The following HDAC4 variants were observed in gnomAD, a reference collection of about 807,000 sequenced individuals.
HDAC4 encodes the protein histone deacetylase A.
Under a neutral mutation model 135.1 loss-of-function variants are expected in HDAC4, and 16 were observed. The ratio of observed to expected loss-of-function variants is 0.12; its 90% CI spans 0.08 to 0.18. The LOEUF is 0.18. Ranked by LOEUF, HDAC4 falls within the 10% of genes least tolerant of loss-of-function variation. HDAC4 has a pLI of 1.00. For synonymous variants in HDAC4, 685 were observed against 653.4 expected (o/e 1.05, Z -0.74); for missense variants, 1,143 against 1,511.8 (o/e 0.76, Z 4.05).
intron 3 of HDAC4, among the ~76,000 whole-genome samples, chr2:239,222,625 C>T (rs986494868): frequency 1.3e-5 from 2 of 150,600 alleles, no homozygotes; most frequent in Non-Finnish European, 2.9e-5. Context: ...CCAGAAATAA[C>T]AGACAGAACC....
intron 3 of HDAC4, among the ~76,000 whole-genome samples, chr2:239,232,229 G>A (rs1448167795): frequency 6.6e-6 from 1 of 152,234 alleles, no homozygotes; most frequent in Non-Finnish European, 1.5e-5. Context: ...TAGCTACAAT[G>A]AATCTGAAAC....
chr2:239,101,973 T>C (rs1163751683), intron 16 of HDAC4, among the ~76,000 whole-genome samples: 1 of 150,454 alleles, frequency 6.6e-6, no homozygotes, highest in Non-Finnish European at 1.5e-5. Context: ...TTCTGTGTCC[T>C]GGGAGCCCCC....
chr2:239,170,412 T>C (rs2043376656), intron 5 of HDAC4, among the ~76,000 whole-genome samples: 1 of 152,226 alleles, frequency 6.6e-6, no homozygotes, highest in South Asian at 2.1e-4. Context: ...AACAAAAATG[T>C]CCTATTTGGA....
At chr2:239,168,091 T>C (rs1457871687) in intron 5 of HDAC4, among the ~76,000 whole-genome samples, 1 of 152,206 alleles carries the variant, frequency 6.6e-6, no homozygotes, top group African/African-American at 2.4e-5. Flanking sequence ...TGCCTGAAAG[T>C]GCTCCTTTTT....
At chr2:239,101,497 C>T (rs952797420) in intron 16 of HDAC4, among the ~76,000 whole-genome samples, 8 of 152,296 alleles carry the variant, frequency 5.3e-5, no homozygotes, top group East Asian at 3.9e-4. Flanking sequence ...ATGCAGTCAA[C>T]GAGCCAGGCA....
intron 24 of HDAC4, among the ~76,000 whole-genome samples, chr2:239,059,312 T>C (rs1454286813): frequency 1.3e-5 from 2 of 151,938 alleles, no homozygotes; most frequent in African/African-American, 4.8e-5. Flanking sequence ...GGAAAGAAGA[T>C]AGATGGGAAA....
chr2:239,169,411 C>T (rs778203910), intron 5 of HDAC4, among the ~76,000 whole-genome samples: 11 of 152,342 alleles, frequency 7.2e-5, no homozygotes, highest in South Asian at 2.1e-4. Context: ...GTCAAAGCCC[C>T]GCGCACAGGG....
At chr2:239,130,617 G>A (rs1945395621) in intron 11 of HDAC4, among the ~76,000 whole-genome samples, 1 of 139,128 alleles carries the variant, frequency 7.2e-6, no homozygotes, top group Admixed American at 7.4e-5. Flanking sequence ...CCACCTCCAC[G>A]AGGCATACAC....
At chr2:239,188,650 G>A (rs4852032) in intron 4 of HDAC4, among the ~76,000 whole-genome samples, 41,252 of 152,202 alleles carry the variant, frequency 0.27, 6,110 homozygotes, top group East Asian at 0.47. Context: ...ATGGAGACAT[G>A]CCCTACGTGC....
chr2:239,389,686 T>C (rs1405126540), intron 1 of HDAC4, among the ~76,000 whole-genome samples: 1 of 152,184 alleles, frequency 6.6e-6, no homozygotes, highest in Non-Finnish European at 1.5e-5. Context: ...CTGGAACTGC[T>C]GCTGGGATTC....
rs1354244761 is a variant in HDAC4, at chr2:239,259,969, A to G, written c.23-23305T>C. On this transcript the variant is annotated intron_variant, in intron 2 of 26. Coordinates refer to ENST00000543185, the MANE Select transcript of HDAC4 (RefSeq NM_001378414.1). ...TAAGGAGAAGAGGATCTAAGGGTGAAGCTCCTGCCAGAGCCCAGGAAGGAA... is the reference window on the plus strand; with the variant it reads ...TAAGGAGAAGAGGATCTAAGGGTGAGGCTCCTGCCAGAGCCCAGGAAGGAA... Among the ~76,000 whole-genome samples the G allele has an allele frequency of 2.0e-5, 3 of 152,220 alleles. No homozygotes were observed. In the East Asian group the frequency reaches 5.8e-4, roughly 29 times the overall value.
At chr2:239,314,167 AG>A (rs982081190) in intron 2 of HDAC4, among the ~76,000 whole-genome samples, 9 of 152,212 alleles carry the variant, frequency 5.9e-5, no homozygotes, top group African/African-American at 2.2e-4. Flanking sequence ...TCCCAGCACC[AG>A]GCAGAAACCT....
intron 2 of HDAC4, among the ~76,000 whole-genome samples, chr2:239,297,359 G>A (rs1048987625): frequency 1.2e-4 from 19 of 152,352 alleles, no homozygotes; most frequent in South Asian, 8.3e-4. Context: ...GCAGCGATCC[G>A]TGCCACCAAC....
chr2:239,058,229 A>G (rs769434530), intron 24 of HDAC4, among the ~76,000 whole-genome samples: 1 of 152,250 alleles, frequency 6.6e-6, no homozygotes, highest in African/African-American at 2.4e-5. Context: ...ATGAAAAACA[A>G]GAAAATAGGT....
At chr2:239,336,039 T>C (rs1486107317) in intron 2 of HDAC4, among the ~76,000 whole-genome samples, 2 of 152,254 alleles carry the variant, frequency 1.3e-5, no homozygotes, top group African/African-American at 2.4e-5. Flanking sequence ...TGAAATATTA[T>C]ATACCCATTA....
At position 239,156,724 on chromosome 2, in the gene HDAC4, C is replaced by G. The variant is rs1448203530; in HGVS notation, c.661G>C (p.Val221Leu). ...LDQSSPPQSG[V>L]STSYNHPVLG... ...ACCGGGTGGTTATAGGAGGTCGACA[C>G]TCCGCTCTGGGGTGGAGAACTCTGG... is the stretch of plus-strand genomic sequence containing the variant. The change falls in exon 7 of 27, where the codon GTG (valine) becomes CTG (leucine). Residue 221 changes from valine (V) to leucine (L), a missense_variant. Physicochemically the swap from Val to Leu is conservative, Grantham distance 32. Transcript: ENST00000543185. The G allele has an allele frequency of 6.2e-7, 1 of 1,614,030 alleles. No homozygotes were observed. Among genetic ancestry groups the G allele is most frequent in the Non-Finnish European group, 8.5e-7 (1 of 1,180,034 alleles).
At chr2:239,310,772 T>C (rs1376963025) in intron 2 of HDAC4, among the ~76,000 whole-genome samples, 1 of 152,070 alleles carries the variant, frequency 6.6e-6, no homozygotes, top group Non-Finnish European at 1.5e-5. Context: ...GGTCGCTGAG[T>C]GCAGAGGGGC....
At position 239,189,826 on chromosome 2, in the gene HDAC4, G is replaced by A. The variant is rs778945217; in HGVS notation, c.339+7C>T. Reference sequence around the variant, plus strand: ...TGGCCCACCCGCAGCCCCGCACCGCGCCTCACCTTGATGTGCTCGTGGAGC... The same window carrying A: ...TGGCCCACCCGCAGCCCCGCACCGCACCTCACCTTGATGTGCTCGTGGAGC... On this transcript the variant is annotated splice_region_variant and intron_variant, in intron 4 of 26. Coordinates refer to ENST00000543185, the MANE Select transcript of HDAC4 (RefSeq NM_001378414.1). 27 of 1,603,354 alleles carry A rather than the reference G, an allele frequency of 1.7e-5. No homozygotes were observed. The highest frequency in any genetic ancestry group is 1.3e-4 in the East Asian group (6 of 44,800).
intron 22 of HDAC4, among the ~76,000 whole-genome samples, chr2:239,075,365 G>C (rs532947900): frequency 6.4e-4 from 98 of 152,184 alleles, no homozygotes; most frequent in Non-Finnish European, 1.3e-3. Context: ...GGGGCAACCT[G>C]AGGGGAGAGA....
Sources: gnomAD v4.1 joint callset for allele counts (sites outside exome capture counted in the v4.1 genomes callset) on GRCh38, gnomAD v4.1.1 for gene constraint, MANE v1.5 for transcripts, NCBI Gene and HGNC (gene_info 2026-07-23, HGNC 2026-07-21) for gene names.